PMS2: variants seen among roughly 807,000 people sequenced by gnomAD.
The protein encoded by PMS2 is mismatch repair endonuclease PMS2.
In PMS2, 69 loss-of-function variants were observed where a neutral mutation model predicts 90.0. That is an observed-to-expected ratio of 0.77 (90% CI 0.63 to 0.94). PMS2 has a LOEUF of 0.94. Among genes scored for constraint, PMS2 ranks in the 40% least tolerant of loss-of-function variants. The pLI, the probability that PMS2 is intolerant of heterozygous loss-of-function variation, is 0.00. For missense variants in PMS2, 966 were observed against 1,040.2 expected, an observed-to-expected ratio of 0.93 and a Z score of 0.98; for synonymous variants, 332 against 375.1, an observed-to-expected ratio of 0.89 and a Z score of 1.33.
At chr7:6,004,222 T>C (rs1383664152) in intron 2 of PMS2, 164 bp from the exon 3 acceptor site, 6 of 584,030 alleles carry the variant, frequency 1.0e-5, no homozygotes, top group Non-Finnish European at 1.8e-5. Context: ...AAGTCCTTTC[T>C]GGCTATTTAC....
rs752665758 is a variant in PMS2 at position 5,987,310 on chromosome 7, C to T, written c.1455G>A (p.Thr485=). ...VSSSHGPSDP[T]DRAEVEKDSG... Reference sequence around the variant, plus strand: ...AGTCCTTCTCCACCTCCGCTCTGTCCGTAGGGTCACTGGGTCCGTGACTGG... The same window carrying T: ...AGTCCTTCTCCACCTCCGCTCTGTCTGTAGGGTCACTGGGTCCGTGACTGG... Residue 485 remains threonine, a synonymous_variant, in exon 11 of 15, where the codon ACG becomes ACA. Transcript: ENST00000265849. 16 of 1,614,016 alleles carry T rather than the reference C, an allele frequency of 9.9e-6. No homozygotes were observed. The highest frequency in any genetic ancestry group is 8.0e-5 in the African/African-American group (6 of 74,890).
At chr7:6,004,153 G>A (rs1785443059) in intron 2 of PMS2, 95 bp from the exon 3 acceptor site, 4 of 742,912 alleles carry the variant, frequency 5.4e-6, no homozygotes, top group South Asian at 3.1e-5. Flanking sequence ...AAATTTAAGA[G>A]TCATAACTAT....
chr7:5,979,068 C>A (rs569533516), intron 12 of PMS2, among the ~76,000 whole-genome samples: 3 of 147,880 alleles, frequency 2.0e-5, no homozygotes, highest in Non-Finnish European at 3.0e-5. Flanking sequence ...TGGTGGCGCA[C>A]GCCTGTAGTC....
intron 5 of PMS2, among the ~76,000 whole-genome samples, chr7:6,000,372 T>G (rs2128807541): frequency 1.0e-5 from 1 of 95,312 alleles, no homozygotes; most frequent in African/African-American, 4.0e-5. Context: ...AGACCCTGTC[T>G]CAATTAAAAA....
intron 10 of PMS2, 88 bp downstream of exon 10, chr7:5,989,712 C>A (rs2128746177): frequency 1.0e-6 from 1 of 971,540 alleles, no homozygotes; most frequent in Non-Finnish European, 1.6e-6. Context: ...ACTTTGTTTT[C>A]ATGTCAAAAA....
intron 11 of PMS2, among the ~76,000 whole-genome samples, chr7:5,985,640 A>G (rs71533311): frequency 0.11 from 12,906 of 119,468 alleles, no homozygotes; most frequent in East Asian, 0.19. Context: ...CACAACCTCC[A>G]CCTCCCGGGT....
chr7:6,005,798 A>C (rs1785672868), intron 2 of PMS2, 94 bp downstream of exon 2: 2 of 1,584,150 alleles, frequency 1.3e-6, no homozygotes, highest in African/African-American at 2.7e-5. Flanking sequence ...TTACTACATC[A>C]ACACTTGATA....
rs561816737 is a variant in PMS2, at chr7:5,985,179, C to T, written c.2006+1580G>A. Among the ~76,000 whole-genome samples, 1,149 of 151,318 alleles carry T rather than the reference C, an allele frequency of 7.6e-3. 21 individuals carry two copies. The highest frequency in any genetic ancestry group is 0.027 in the African/African-American group (1,084 of 40,794). ...ATGGCATGATCATAGCTCACTGCAG[C>T]CTCAAACTCCTGGGCTCAAGTGAGC... On this transcript the variant is annotated intron_variant, in intron 11 of 14. Transcript: ENST00000265849.
At chr7:5,989,017 G>A (rs1583330655) in intron 10 of PMS2, among the ~76,000 whole-genome samples, 1 of 151,502 alleles carries the variant, frequency 6.6e-6, no homozygotes, top group Non-Finnish European at 1.5e-5. Flanking sequence ...CACCACGCCC[G>A]GCTAATTTTT....
Position 5,992,021 on chromosome 7 carries a change from T to C in PMS2, c.940A>G (p.Asn314Asp). 1 of 1,603,352 alleles carries C rather than the reference T, an allele frequency of 6.2e-7. No homozygotes were observed. ...ACAACAAATGGATACTGGTGTCGAT[T>C]ATACATGTGGTAGACCTCATTCACG... ...RLVNEVYHMY[N>D]RHQYPFVVLN... Residue 314 changes from asparagine (N) to aspartate (D), a missense_variant, in exon 9 of 15, where the codon AAT (asparagine) becomes GAT (aspartate). Physicochemically the swap from Asn to Asp is conservative, Grantham distance 23 (BLOSUM62 1). Coordinates refer to ENST00000265849, the MANE Select transcript of PMS2 (RefSeq NM_000535.7).
intron 8 of PMS2, among the ~76,000 whole-genome samples, chr7:5,994,034 A>G (rs747142490): frequency 5.9e-5 from 9 of 152,056 alleles, no homozygotes; most frequent in Non-Finnish European, 1.3e-4. Context: ...TATACACACA[A>G]CACATATAAT....
In PMS2 at chr7:5,991,972, C is replaced by A. The variant is rs757110564; in HGVS notation, c.988+1G>T. 6.7e-7 allele frequency: 1 copy of A among 1,492,890 alleles called. No homozygotes were observed. Among genetic ancestry groups the A allele is most frequent in the Non-Finnish European group, 9.4e-7 (1 of 1,069,414 alleles). 92.5% of individuals were successfully genotyped at this position (1,492,890 alleles called of 1,614,324 possible). On this transcript the variant is annotated splice_donor_variant, in intron 9 of 14. Coordinates refer to ENST00000265849, the MANE Select transcript of PMS2 (RefSeq NM_000535.7). LOFTEE classifies it high-confidence loss of function. Reference sequence around the variant, plus strand: ...TGTACTGAAATGCCAATGGAACTTACCTGAATCAACAGAAATGTTAAGAAC... The same window carrying A: ...TGTACTGAAATGCCAATGGAACTTAACTGAATCAACAGAAATGTTAAGAAC...
chr7:6,008,416 G>A (rs1481377811), intron 1 of PMS2, among the ~76,000 whole-genome samples: 1 of 151,966 alleles, frequency 6.6e-6, no homozygotes, highest in African/African-American at 2.4e-5. Context: ...ATGCAAATAA[G>A]GATGTGTCTG....
Position 5,989,927 on chromosome 7 carries a change from A to C in PMS2, c.1017T>G (p.Asp339Glu). Residue 339 changes from aspartate (D) to glutamate (E), a missense_variant, in exon 10 of 15, where the codon GAT becomes GAG. Physicochemically the swap from Asp to Glu is conservative, Grantham distance 45 (BLOSUM62 2). Transcript: ENST00000265849. ...CCTCTTGTAGCAAAATTTGCCTTTT[A>C]TCTGGAGTAACATTGATATCAACGC... is the stretch of plus-strand genomic sequence containing the variant. ...SECVDINVTP[D>E]KRQILLQEEK... The C allele has an allele frequency of 6.2e-7, 1 of 1,610,698 alleles. No homozygotes were observed. Among genetic ancestry groups the C allele is most frequent in the Non-Finnish European group, 8.5e-7 (1 of 1,177,504 alleles).
At chr7:6,004,968 G>C (rs1377415881) in intron 2 of PMS2, among the ~76,000 whole-genome samples, 3 of 151,912 alleles carry the variant, frequency 2.0e-5, no homozygotes, top group Non-Finnish European at 4.4e-5. Flanking sequence ...GCAGTGGTAC[G>C]ATCTTGGCTC....
At chr7:6,000,273 C>G (rs1039098083) in intron 5 of PMS2, among the ~76,000 whole-genome samples, 1 of 150,514 alleles carries the variant, frequency 6.6e-6, no homozygotes, top group African/African-American at 2.5e-5. Flanking sequence ...ACTTGGGAGG[C>G]TGAAGTGGGA....
intron 8 of PMS2, 118 bp from the exon 9 acceptor site, chr7:5,992,175 T>G: frequency 4.3e-6 from 2 of 463,740 alleles, no homozygotes; most frequent in Non-Finnish European, 3.9e-6. Flanking sequence ...ACTTTTTTGT[T>G]TTTTTTTTTT....
intron 11 of PMS2, among the ~76,000 whole-genome samples, chr7:5,985,563 T>C (rs539002180): frequency 3.4e-4 from 52 of 150,920 alleles, no homozygotes; most frequent in Non-Finnish European, 4.9e-4. Flanking sequence ...TTTTCTTTTT[T>C]TTTTTTTTGA....
At chr7:5,984,734 G>A (rs1298164174) in intron 11 of PMS2, among the ~76,000 whole-genome samples, 1 of 151,684 alleles carries the variant, frequency 6.6e-6, no homozygotes, top group Non-Finnish European at 1.5e-5. Flanking sequence ...GCAGTGAGCT[G>A]AGATCGTGCC....
Sources: allele counts gnomAD v4.1 joint callset (sites outside exome capture counted in the v4.1 genomes callset), GRCh38; gene constraint gnomAD v4.1.1; transcripts MANE v1.5; gene names NCBI Gene and HGNC (gene_info 2026-07-23, HGNC 2026-07-21).